CEP76: variants seen among roughly 807,000 people sequenced by gnomAD.
CEP76 encodes the protein centrosomal protein of 76 kDa.
CEP76 carries 55 observed loss-of-function variants against 83.3 expected under a neutral mutation model. The observed-to-expected ratio is 0.66, with a 90% CI of 0.53 to 0.83. The LOEUF (loss-of-function observed/expected upper bound fraction) is 0.83. Ranked by LOEUF, CEP76 falls within the 40% of genes least tolerant of loss-of-function variation. CEP76 has a pLI of 0.00. For synonymous variants in CEP76, 270 were observed against 274.5 expected, an observed-to-expected ratio of 0.98 and a Z score of 0.16; for missense variants, 694 against 799.5, an observed-to-expected ratio of 0.87 and a Z score of 1.59.
intron 8 of CEP76, 132 bp downstream of exon 8, chr18:12,686,130 C>G: frequency 1.8e-6 from 1 of 567,404 alleles, no homozygotes; most frequent in Non-Finnish European, 2.9e-6. Flanking sequence ...GTTGAATCTA[C>G]AGATACAGAA....
rs1051374949 is a variant in CEP76 at position 12,678,130 on chromosome 18, G to A, written c.1602C>T (p.Leu534=). 3 of 1,612,500 alleles carry A rather than the reference G, an allele frequency of 1.9e-6. No individual in the cohort carries two copies. The highest frequency in any genetic ancestry group is 1.7e-5 in the Admixed American group (1 of 59,968). ...TTACCTTCCTGTGTTCTGACACCAGGAGCCTCAGCTGCATTTCAATTTCAT... is the reference window on the plus strand; with the variant it reads ...TTACCTTCCTGTGTTCTGACACCAGAAGCCTCAGCTGCATTTCAATTTCAT... ...TSNEIEMQLR[L]LVSEHRKDLG... Residue 534 remains leucine (L), a synonymous_variant, in exon 10 of 12, where the codon CTC becomes CTT. Transcript: ENST00000262127.
chr18:12,674,531 C>T lies in CEP76; in HGVS notation c.1841+5G>A, dbSNP rs771479371. The T allele has an allele frequency of 6.2e-7, 1 of 1,606,880 alleles. No homozygotes were observed. ...GAAAAAATGATTCCGTAAATTACACCTTACCGAAGACATGTGGCAAATGCA... is the reference window on the plus strand; with the variant it reads ...GAAAAAATGATTCCGTAAATTACACTTTACCGAAGACATGTGGCAAATGCA... On this transcript the variant is annotated splice_donor_5th_base_variant and intron_variant, in intron 11 of 11. Transcript: ENST00000262127.
downstream of CEP76, chr18:12,670,305 G>A (rs1191945615): frequency 6.6e-6 from 1 of 152,182 alleles, no homozygotes; most frequent in Non-Finnish European, 1.5e-5. Flanking sequence ...ACTCCAGCCT[G>A]GGCAACAGAG....
Position 12,673,123 on chromosome 18 carries a change from AAATAG to A in CEP76, c.*237_*241del, listed in dbSNP as rs1182962754. On this transcript the variant is annotated 3_prime_UTR_variant, in exon 12 of 12. Transcript: ENST00000262127. Reference sequence around the variant, plus strand: ...ACTGTAAACAAAGTAGCATTTATTAAAATAGAATATACACTTAATTTATACTAAAT... The same window carrying A: ...ACTGTAAACAAAGTAGCATTTATTAAAATATACACTTAATTTATACTAAAT... 1.4e-5 allele frequency: 15 copies of A among 1,078,402 alleles called. No homozygotes were observed. The highest frequency in any genetic ancestry group is 1.7e-5 in the African/African-American group (1 of 59,948). 66.8% of individuals were successfully genotyped at this position (1,078,402 alleles called of 1,614,324 possible). A position where few individuals can be genotyped will look rare whatever the true frequency, so the allele number is the denominator to read the frequency against.
chr18:12,692,326 A>C (rs1201043801), intron 6 of CEP76: 4 of 151,960 alleles, frequency 2.6e-5, no homozygotes, highest in Non-Finnish European at 5.9e-5. Flanking sequence ...AAAAAAAAAA[A>C]AAACATACTG....
intron 6 of CEP76, among the ~76,000 whole-genome samples, chr18:12,694,350 C>T (rs1156546762): frequency 6.6e-6 from 1 of 152,134 alleles, no homozygotes; most frequent in East Asian, 1.9e-4. Flanking sequence ...TGTATGTAAT[C>T]AAGGAGAACC....
intron 7 of CEP76, among the ~76,000 whole-genome samples, chr18:12,688,939 C>A (rs1322054452): frequency 1.3e-5 from 2 of 152,054 alleles, no homozygotes; most frequent in African/African-American, 2.4e-5. Context: ...ACAGTGAAAC[C>A]CCATCTCTAC....
chr18:12,699,613 C>G lies in CEP76; in HGVS notation c.295+217G>C, dbSNP rs372579956. On this transcript the variant is annotated intron_variant, in intron 3 of 11. Transcript: ENST00000262127. ...GTTTTTATAAAACATATTATTAAAA[C>G]ACAAGAAACTGGTGATGCTGTTTTT... Among the ~76,000 whole-genome samples the G allele has an allele frequency of 1.5e-3, 225 of 152,086 alleles. 1 individual carries two copies. The highest frequency in any genetic ancestry group is 5.1e-3 in the African/African-American group (210 of 41,512).
In CEP76 at chr18:12,702,433, G is replaced by C. The variant is rs374087254; in HGVS notation, c.63+53C>G. On this transcript the variant is annotated intron_variant, in intron 1 of 11. Transcript: ENST00000262127. ...GTCGGCCCGGGGCCGCCGGGCAGGA[G>C]GGAAAGGTTATGGGTCGGCCCGGCG... is the stretch of plus-strand genomic sequence containing the variant. 1.9e-4 allele frequency: 261 copies of C among 1,408,404 alleles called. 1 individual carries two copies. The East Asian group carries it at 6.1e-3, about 33-fold the overall frequency. The allele number at this position is 1,408,404 out of a possible 1,614,324, so 87.2% of individuals were successfully genotyped here. A position where few individuals can be genotyped will look rare whatever the true frequency, so the allele number is the denominator to read the frequency against.
At chr18:12,683,742 ACT>A (rs2145033130) in intron 8 of CEP76, among the ~76,000 whole-genome samples, 1 of 151,944 alleles carries the variant, frequency 6.6e-6, no homozygotes, top group African/African-American at 2.4e-5. Context: ...CAAGAGGAAA[ACT>A]CTGTCTCATT....
intron 2 of CEP76, 145 bp downstream of exon 2, chr18:12,700,813 T>A: frequency 1.7e-6 from 1 of 588,982 alleles, no homozygotes; most frequent in Admixed American, 3.3e-5. Flanking sequence ...AGCTAGCCTA[T>A]ACTTGAAACA....
intron 7 of CEP76, among the ~76,000 whole-genome samples, chr18:12,687,867 A>C (rs997141529): frequency 6.6e-6 from 1 of 152,138 alleles, no homozygotes; most frequent in Non-Finnish European, 1.5e-5. Context: ...GTGTGGTATA[A>C]GAATACTAAG....
chr18:12,681,442 G>T (rs767838427), intron 8 of CEP76, among the ~76,000 whole-genome samples: 2 of 151,652 alleles, frequency 1.3e-5, no homozygotes, highest in East Asian at 1.9e-4. Flanking sequence ...ATAAACAGGG[G>T]TCTTACTGTG....
chr18:12,697,233 A>C lies in CEP76; in HGVS notation c.696T>G (p.Leu232=). The change falls in exon 5 of 12, where the codon CTT becomes CTG. Residue 232 remains leucine, a synonymous_variant. Transcript: ENST00000262127. ...TATTAATCACCATACCTACACCCAT[A>C]AGTTCCACAGTCAGACTGGTCACTC... ...ENGVTSLTVE[L]MGVGTESKVS... The C allele has an allele frequency of 6.2e-7, 1 of 1,612,184 alleles. No homozygotes were observed. The highest frequency in any genetic ancestry group is 8.5e-7 in the Non-Finnish European group (1 of 1,178,938).
chr18:12,699,040 T>C lies in CEP76; in HGVS notation c.459A>G (p.Pro153=). Reference sequence around the variant, plus strand: ...CATGAAAATCTGGTTCACAGGCACATGGAACAGGTTTAGAACGAAAACGTT... The same window carrying C: ...CATGAAAATCTGGTTCACAGGCACACGGAACAGGTTTAGAACGAAAACGTT... The part of the protein sequence containing the change: ...RNQRFRSKPV[P]CACEPDFHDG... The change falls in exon 4 of 12, where the codon CCA becomes CCG. Residue 153 remains proline, a synonymous_variant. Coordinates refer to ENST00000262127, the MANE Select transcript of CEP76 (RefSeq NM_024899.4). 1.2e-6 allele frequency: 2 copies of C among 1,614,090 alleles called. No homozygotes were observed. The highest frequency in any genetic ancestry group is 1.7e-6 in the Non-Finnish European group (2 of 1,179,968).
rs1240264280 is a variant in CEP76 at position 12,702,542 on chromosome 18, G to A, written c.7C>T (p.Leu3=). MS[L]PPEKASELKQ... The stretch of plus-strand genomic sequence containing the variant: ...AGCTCGGAGGCTTTCTCCGGAGGCA[G>A]CGACATGCTGGCAGCCGGCGTCTCC... The change falls in exon 1 of 12, where the codon CTG becomes TTG. Residue 3 remains leucine, a synonymous_variant. Transcript: ENST00000262127. The A allele has an allele frequency of 2.2e-5, 36 of 1,604,426 alleles. No individual in the cohort carries two copies. Among genetic ancestry groups the A allele is most frequent in the Non-Finnish European group, 3.1e-5 (36 of 1,177,290 alleles).
chr18:12,697,217 C>G lies in CEP76; in HGVS notation c.706+6G>C. 1.3e-6 allele frequency: 2 copies of G among 1,594,676 alleles called. No homozygotes were observed. The highest frequency in any genetic ancestry group is 1.7e-6 in the Non-Finnish European group (2 of 1,168,384). On this transcript the variant is annotated splice_donor_region_variant and intron_variant, in intron 5 of 11. Transcript: ENST00000262127. ...AAGGTTAACAATGATATATTAATCA[C>G]CATACCTACACCCATAAGTTCCACA...
Position 12,688,693 on chromosome 18 carries a change from CTATT to C in CEP76, c.934-2247_934-2244del, listed in dbSNP as rs552995067. ...TGAGAAAATCACTAACCATTATGAG[CTATT>C]TAAATTTTAATTAAAATTTAAAATT... On this transcript the variant is annotated intron_variant, in intron 7 of 11. Transcript: ENST00000262127. Among the ~76,000 whole-genome samples, 4 of 152,280 alleles carry C rather than the reference CTATT, an allele frequency of 2.6e-5. No homozygotes were observed. In the East Asian group the frequency reaches 5.8e-4, roughly 22 times the overall value.
In CEP76 at chr18:12,701,215, TACC is replaced by T. The variant is rs1205005666; in HGVS notation, c.64-105_64-103del. On this transcript the variant is annotated intron_variant, in intron 1 of 11. Coordinates refer to ENST00000262127, the MANE Select transcript of CEP76 (RefSeq NM_024899.4). ...CAGCTAACAGTAAATGCACAATTGT[TACC>T]ACAATTGAATGGGAACAAAGGTAAG... The T allele has an allele frequency of 6.4e-6, 5 of 778,262 alleles. 1 individual carries two copies. Among genetic ancestry groups the T allele is most frequent in the South Asian group, 5.3e-5 (3 of 56,228 alleles). 48.2% of individuals were successfully genotyped at this position (778,262 alleles called of 1,614,324 possible).
Sources: gnomAD v4.1 joint callset for allele counts (sites outside exome capture counted in the v4.1 genomes callset) on GRCh38, gnomAD v4.1.1 for gene constraint, MANE v1.5 for transcripts, NCBI Gene and HGNC (gene_info 2026-07-23, HGNC 2026-07-21) for gene names.